The following PTPRD variants were observed in gnomAD, a reference collection of about 807,000 sequenced individuals.
The protein encoded by PTPRD is receptor-type tyrosine-protein phosphatase delta.
In PTPRD, 34 loss-of-function variants were observed where a neutral mutation model predicts 214.5. The ratio of observed to expected loss-of-function variants is 0.16; its 90% CI spans 0.12 to 0.21. The LOEUF is 0.21. Ranked by LOEUF, PTPRD falls within the 10% of genes least tolerant of loss-of-function variation. The probability of loss-of-function intolerance (pLI) is 1.00; values close to 1 mark genes in which losing one functional copy is unlikely to be tolerated. For synonymous variants in PTPRD, 1,128 were observed against 845.7 expected (o/e 1.33, Z -5.79); for missense variants, 2,545 against 2,398.7 (o/e 1.06, Z -1.27).
At chr9:9,963,090 T>G (rs1166873557) in intron 4 of PTPRD, among the ~76,000 whole-genome samples, 3 of 152,116 alleles carry the variant, frequency 2.0e-5, no homozygotes, top group Non-Finnish European at 4.4e-5. Context: ...GCCAGATAAT[T>G]TGACTTTAGT....
At chr9:9,110,600 T>C (rs574837586) in intron 10 of PTPRD, among the ~76,000 whole-genome samples, 1 of 152,208 alleles carries the variant, frequency 6.6e-6, no homozygotes, top group South Asian at 2.1e-4. Context: ...AGTCAGAAAC[T>C]TGAATTTCTA....
intron 36 of PTPRD, among the ~76,000 whole-genome samples, chr9:8,393,478 G>C (rs138141419): frequency 6.8e-4 from 103 of 152,146 alleles, no homozygotes; most frequent in Middle Eastern, 3.4e-3. Context: ...TAAAACAGGA[G>C]GAACATGACA....
intron 10 of PTPRD, among the ~76,000 whole-genome samples, chr9:9,109,007 T>A (rs1395211805): frequency 6.6e-6 from 1 of 152,158 alleles, no homozygotes; most frequent in African/African-American, 2.4e-5. Context: ...TGCTATTCGT[T>A]TATAAAGTAG....
intron 2 of PTPRD, among the ~76,000 whole-genome samples, chr9:10,459,164 T>C (rs1480572652): frequency 6.6e-6 from 1 of 152,160 alleles, no homozygotes; most frequent in Non-Finnish European, 1.5e-5. Flanking sequence ...TTCTCTGTCC[T>C]TGTGCCAGTT....
chr9:8,704,679 G>C (rs905660318), intron 12 of PTPRD, among the ~76,000 whole-genome samples: 1 of 151,490 alleles, frequency 6.6e-6, no homozygotes, highest in African/African-American at 2.4e-5. Flanking sequence ...ATGCAATTTA[G>C]ATGGTAAAAA....
At chr9:8,590,928 G>A (rs73640933) in intron 14 of PTPRD, among the ~76,000 whole-genome samples, 7,641 of 152,190 alleles carry the variant, frequency 0.05, 606 homozygotes, top group African/African-American at 0.17. Flanking sequence ...AGACTGAGGT[G>A]TCAGCAGGAC....
chr9:8,989,730 A>C (rs887354874), intron 11 of PTPRD, among the ~76,000 whole-genome samples: 6 of 152,178 alleles, frequency 3.9e-5, no homozygotes, highest in African/African-American at 1.4e-4. Context: ...TCTTTAAAAA[A>C]ATTATAAGCG....
At chr9:9,809,886 A>C (rs963347795) in intron 5 of PTPRD, among the ~76,000 whole-genome samples, 1 of 152,322 alleles carries the variant, frequency 6.6e-6, no homozygotes, top group East Asian at 1.9e-4. Context: ...TATCAAATAC[A>C]TATCAAGTGG....
At chr9:9,537,580 C>CTT (rs2076774738) in intron 8 of PTPRD, among the ~76,000 whole-genome samples, 1 of 151,842 alleles carries the variant, frequency 6.6e-6, no homozygotes, top group African/African-American at 2.4e-5. Flanking sequence ...TTTTTGAGAA[C>CTT]TTTATTTGGG....
intron 3 of PTPRD, among the ~76,000 whole-genome samples, chr9:10,034,455 C>A (rs558844576): frequency 5.4e-4 from 72 of 134,444 alleles, no homozygotes; most frequent in African/African-American, 1.9e-3. Flanking sequence ...TTCAGGGGTA[C>A]ATGTGCAGTT....
At chr9:9,190,494 T>G (rs562725133) in intron 9 of PTPRD, among the ~76,000 whole-genome samples, 1 of 152,148 alleles carries the variant, frequency 6.6e-6, no homozygotes, top group South Asian at 2.1e-4. Flanking sequence ...CCACCATGAT[T>G]CTGAGGCCCC....
At chr9:9,775,451 AATAATT>A (rs1485752176) in intron 5 of PTPRD, among the ~76,000 whole-genome samples, 1 of 152,190 alleles carries the variant, frequency 6.6e-6, no homozygotes. Context: ...CATAGAATAA[AATAATT>A]AGAATTACAA....
intron 10 of PTPRD, among the ~76,000 whole-genome samples, chr9:9,020,100 C>A (rs1248998109): frequency 1.3e-5 from 2 of 152,148 alleles, no homozygotes; most frequent in East Asian, 3.9e-4. Flanking sequence ...CTGGAGCTGA[C>A]GGATATTATT....
At chr9:9,542,418 C>G (rs1178365866) in intron 8 of PTPRD, among the ~76,000 whole-genome samples, 2 of 151,594 alleles carry the variant, frequency 1.3e-5, no homozygotes, top group African/African-American at 4.8e-5. Flanking sequence ...CACAAAAGCT[C>G]TTACCTTTAA....
At chr9:9,690,429 G>C (rs990192651) in intron 7 of PTPRD, among the ~76,000 whole-genome samples, 5 of 151,806 alleles carry the variant, frequency 3.3e-5, no homozygotes, top group African/African-American at 1.2e-4. Context: ...CCATCCTGTG[G>C]GTCATCTCTT....
chr9:8,528,904 C>A (rs1168851979), intron 14 of PTPRD, 125 bp from the exon 15 acceptor site: 1 of 862,574 alleles, frequency 1.2e-6, no homozygotes, highest in Non-Finnish European at 1.8e-6. Context: ...AAACCAGGCA[C>A]TAATAAATTA....
At chr9:10,560,759 A>T (rs1160657131) in intron 2 of PTPRD, among the ~76,000 whole-genome samples, 2 of 152,098 alleles carry the variant, frequency 1.3e-5, no homozygotes. Context: ...TAAATGAAGT[A>T]TGAACCAATT....
rs112659392 is a variant in PTPRD, at chr9:9,883,659, T to C, written c.-368+54848A>G. 3.3e-3 allele frequency among the ~76,000 whole-genome samples: 510 copies of C among 152,280 alleles called. 6 individuals carry two copies. The highest frequency in any genetic ancestry group is 0.012 in the African/African-American group (479 of 41,570). On this transcript the variant is annotated intron_variant, in intron 5 of 45. Coordinates refer to ENST00000381196, the MANE Select transcript of PTPRD (RefSeq NM_002839.4). ...AATCACCAACAATTCTAAAAATATT[T>C]TGGTGACATACAACCACTGCCTCAC... is the stretch of plus-strand genomic sequence containing the variant.
chr9:10,487,249 G>C (rs1278628760), intron 2 of PTPRD, among the ~76,000 whole-genome samples: 1 of 151,840 alleles, frequency 6.6e-6, no homozygotes, highest in African/African-American at 2.4e-5. Context: ...CTATCCATTT[G>C]ACCACTCTGT....
Sources: gnomAD v4.1 joint callset for allele counts (sites outside exome capture counted in the v4.1 genomes callset) on GRCh38, gnomAD v4.1.1 for gene constraint, MANE v1.5 for transcripts, NCBI Gene and HGNC (gene_info 2026-07-23, HGNC 2026-07-21) for gene names.